The following ANO4 variants were observed in gnomAD, a reference collection of about 807,000 sequenced individuals.
ANO4 encodes the protein anoctamin-4.
A neutral mutation model predicts 141.9 loss-of-function variants in ANO4; 69 were observed. The observed-to-expected ratio is 0.49, with a 90% CI of 0.40 to 0.59. ANO4 has a LOEUF of 0.59. Ranked by LOEUF, ANO4 falls within the 20% of genes least tolerant of loss-of-function variation. ANO4 has a pLI of 0.00. For synonymous variants in ANO4, 350 were observed against 394.3 expected (o/e 0.89, Z 1.33); for missense variants, 894 against 1,162.2 (o/e 0.77, Z 3.36).
rs1206259057 is a variant in ANO4, at chr12:100,894,922, C to T, written c.-140-6724C>T. Among the ~76,000 whole-genome samples, 23 of 148,866 alleles carry T rather than the reference C, an allele frequency of 1.5e-4. 1 individual carries two copies. In the East Asian group the frequency reaches 3.4e-3, roughly 22 times the overall value. ...CGGAGCTTGCAGTGAGCCGAGATCC[C>T]GCCACTGCACTCCAGCCTGGGCGAC... is the stretch of plus-strand genomic sequence containing the variant. On this transcript the variant is annotated intron_variant, in intron 1 of 27. Transcript: ENST00000392977.
chr12:100,928,836 T>G (rs1275138728), intron 3 of ANO4, among the ~76,000 whole-genome samples: 1 of 152,138 alleles, frequency 6.6e-6, no homozygotes, highest in African/African-American at 2.4e-5. Context: ...TCTTAGCAAA[T>G]ACGCTAAATC....
chr12:100,833,379 A>G (rs1264575427), intron 1 of ANO4, among the ~76,000 whole-genome samples: 1 of 152,122 alleles, frequency 6.6e-6, no homozygotes, highest in Non-Finnish European at 1.5e-5. Context: ...TTAGCTTACT[A>G]TTTTAGAGCA....
intron 5 of ANO4, 59 bp from the exon 6 acceptor site, chr12:100,971,247 A>C: frequency 7.8e-7 from 1 of 1,288,208 alleles, no homozygotes; most frequent in South Asian, 1.3e-5. Context: ...TTCCAACTCA[A>C]CTTAAACTGT....
In ANO4 at chr12:101,079,269, AGAG is replaced by A. The variant is rs1201107286; in HGVS notation, c.1394_1395+1del. On this transcript the variant is annotated inframe_deletion, in exon 15 of 28. Coordinates refer to ENST00000392977, the MANE Select transcript of ANO4 (RefSeq NM_001286615.2). ...ACTGGGATTTGATAGACTGGGAAGA[AGAG>A]GAGGTTTGTATCATTTACCTCAGAA... 1 of 1,613,506 alleles carries A rather than the reference AGAG, an allele frequency of 6.2e-7. No homozygotes were observed. Among genetic ancestry groups the A allele is most frequent in the Non-Finnish European group, 8.5e-7 (1 of 1,179,538 alleles).
chr12:100,717,376 C>T, upstream of ANO4: 1 of 324,100 alleles, frequency 3.1e-6, no homozygotes, highest in Non-Finnish European at 5.6e-6. Flanking sequence ...GCGAGCGCGG[C>T]GCGCTGACTG....
chr12:101,111,047 G>C (rs1341844287), intron 23 of ANO4, among the ~76,000 whole-genome samples: 1 of 152,232 alleles, frequency 6.6e-6, no homozygotes, highest in African/African-American at 2.4e-5. Flanking sequence ...ATTCATTTCT[G>C]CATTCAGTGC....
intron 25 of ANO4, among the ~76,000 whole-genome samples, chr12:101,118,978 T>G (rs1470058033): frequency 4.0e-5 from 6 of 151,630 alleles, no homozygotes; most frequent in Non-Finnish European, 8.8e-5. Flanking sequence ...TTTGGTTTTT[T>G]GTCCTTGAGA....
chr12:101,035,747 C>T (rs1205385917), intron 9 of ANO4, among the ~76,000 whole-genome samples: 6 of 152,108 alleles, frequency 3.9e-5, no homozygotes, highest in Admixed American at 2.6e-4. Context: ...TGAATTAATG[C>T]AGTAATAGAA....
chr12:101,117,183 A>T (rs1370234648), intron 25 of ANO4, among the ~76,000 whole-genome samples: 1 of 152,222 alleles, frequency 6.6e-6, no homozygotes, highest in Admixed American at 6.5e-5. Flanking sequence ...TCTTGCCCAG[A>T]GTATATCACA....
At chr12:100,847,532 T>C (rs7313799) in intron 1 of ANO4, among the ~76,000 whole-genome samples, 123,908 of 149,692 alleles carry the variant, frequency 0.83, 51,335 homozygotes, top group Admixed American at 0.87. Flanking sequence ...AGCGCAGTGG[T>C]GCAATCTCGG....
chr12:101,008,814 G>T (rs2045968123), intron 8 of ANO4, among the ~76,000 whole-genome samples: 1 of 151,966 alleles, frequency 6.6e-6, no homozygotes, highest in Non-Finnish European at 1.5e-5. Context: ...AATTACTCTG[G>T]AGCCTTCTGA....
At chr12:100,997,607 C>G (rs2045447846) in intron 8 of ANO4, among the ~76,000 whole-genome samples, 1 of 151,996 alleles carries the variant, frequency 6.6e-6, no homozygotes, top group African/African-American at 2.4e-5. Flanking sequence ...AAAGTAGGCT[C>G]AGATTTGCAG....
chr12:100,720,704 C>T (rs1448225479), intron 1 of ANO4, among the ~76,000 whole-genome samples: 1 of 152,120 alleles, frequency 6.6e-6, no homozygotes, highest in Non-Finnish European at 1.5e-5. Flanking sequence ...TAAACAATGA[C>T]CCCATGTGCA....
intron 3 of ANO4, among the ~76,000 whole-genome samples, chr12:100,758,072 T>C (rs569628713): frequency 6.6e-6 from 1 of 152,326 alleles, no homozygotes; most frequent in African/African-American, 2.4e-5. Context: ...ACAGGCTCTT[T>C]GGATCAGAGA....
At chr12:100,855,548 C>T (rs2038120363) in intron 1 of ANO4, among the ~76,000 whole-genome samples, 1 of 152,052 alleles carries the variant, frequency 6.6e-6, no homozygotes, top group Non-Finnish European at 1.5e-5. Context: ...TCTATGATAG[C>T]CTCTTGAATT....
intron 25 of ANO4, among the ~76,000 whole-genome samples, chr12:101,118,538 G>T (rs143930870): frequency 1.6e-3 from 243 of 152,134 alleles, no homozygotes; most frequent in African/African-American, 5.3e-3. Flanking sequence ...ATCAGCTTGC[G>T]GGCTGAAAAT....
In ANO4 at chr12:100,980,119, A is replaced by C. The variant is rs570717085; in HGVS notation, c.602+5230A>C. 4.6e-5 allele frequency among the ~76,000 whole-genome samples: 7 copies of C among 152,310 alleles called. No homozygotes were observed. The South Asian group carries it at 1.5e-3, about 32-fold the overall frequency. The stretch of plus-strand genomic sequence containing the variant: ...GGCTGGAAACATTGGTGCTACTTCT[A>C]GCGCACACATCACAACTACAGAAGA... On this transcript the variant is annotated intron_variant, in intron 7 of 27. Coordinates refer to ENST00000392977, the MANE Select transcript of ANO4 (RefSeq NM_001286615.2).
rs1370047334 is a variant in ANO4, at chr12:100,998,412, T to TATCTATCTATCCATCC, written c.734+10745_734+10746insTATCTATCCATCCATC. On this transcript the variant is annotated intron_variant, in intron 8 of 27. Transcript: ENST00000392977. Reference sequence around the variant, plus strand: ...CTATCTATCTATCTATCTATCTATCTATCCATCCTATTAGTTCTGTCCCTC... The same window carrying TATCTATCTATCCATCC: ...CTATCTATCTATCTATCTATCTATCTATCTATCTATCCATCCATCCATCCTATTAGTTCTGTCCCTC... Among the ~76,000 whole-genome samples, 191 of 150,046 alleles carry TATCTATCTATCCATCC rather than the reference T, an allele frequency of 1.3e-3. 2 individuals are homozygous for TATCTATCTATCCATCC. Among genetic ancestry groups the TATCTATCTATCCATCC allele is most frequent in the African/African-American group, 4.5e-3 (182 of 40,682 alleles).
At chr12:101,005,461 C>T (rs889955392) in intron 8 of ANO4, among the ~76,000 whole-genome samples, 3 of 151,452 alleles carry the variant, frequency 2.0e-5, no homozygotes, top group Non-Finnish European at 4.4e-5. Flanking sequence ...TAGAGCTGGA[C>T]AAAGATGAAT....
Sources: allele counts gnomAD v4.1 joint callset (sites outside exome capture counted in the v4.1 genomes callset), GRCh38; gene constraint gnomAD v4.1.1; transcripts MANE v1.5; gene names NCBI Gene and HGNC (gene_info 2026-07-23, HGNC 2026-07-21).